The following AGMO variants were observed in gnomAD, a reference collection of about 807,000 sequenced individuals.
The protein encoded by AGMO is glyceryl-ether monooxygenase.
AGMO carries 75 observed loss-of-function variants against 60.2 expected under a neutral mutation model. The observed-to-expected ratio is 1.25, with a 90% confidence interval of 1.03 to 1.51. AGMO has a LOEUF of 1.51. Among genes scored for constraint, AGMO ranks in the 40% most tolerant of loss-of-function variants. The pLI is 0.00. For missense variants in AGMO, 763 were observed against 525.5 expected (o/e 1.45, Z -4.42); for synonymous variants, 261 against 177.1 (o/e 1.47, Z -3.76).
intron 12 of AGMO, among the ~76,000 whole-genome samples, chr7:15,323,755 A>C (rs1394018015): frequency 6.6e-6 from 1 of 152,214 alleles, no homozygotes; most frequent in Non-Finnish European, 1.5e-5. Context: ...GCAGCTGTTA[A>C]CAAGGAAAGC....
chr7:15,324,261 C>A (rs1015209154), intron 12 of AGMO, among the ~76,000 whole-genome samples: 6 of 152,112 alleles, frequency 3.9e-5, no homozygotes, highest in Admixed American at 2.0e-4. Flanking sequence ...AGACAGAAAA[C>A]TGCATCAGTA....
chr7:15,440,254 A>C (rs1290384127), intron 3 of AGMO, among the ~76,000 whole-genome samples: 1 of 152,184 alleles, frequency 6.6e-6, no homozygotes, highest in Admixed American at 6.5e-5. Flanking sequence ...ACAAACATGC[A>C]TTTTGTTGAG....
chr7:15,229,666 A>G (rs1236304241), intron 12 of AGMO, among the ~76,000 whole-genome samples: 2 of 148,106 alleles, frequency 1.4e-5, no homozygotes, highest in Non-Finnish European at 3.0e-5. Flanking sequence ...GAATTATGGG[A>G]AAATGCGAAG....
chr7:15,560,365 G>T, intron 1 of AGMO, 94 bp from the exon 2 acceptor site: 1 of 1,372,468 alleles, frequency 7.3e-7, no homozygotes, highest in Non-Finnish European at 9.8e-7. Flanking sequence ...GAAAGGCCCA[G>T]ATTTGGGAAG....
chr7:15,370,852 T>G (rs1783180935), intron 10 of AGMO, among the ~76,000 whole-genome samples: 1 of 152,214 alleles, frequency 6.6e-6, no homozygotes. Flanking sequence ...CTGTTTACTC[T>G]GTTGATAGTT....
intron 12 of AGMO, among the ~76,000 whole-genome samples, chr7:15,232,078 C>T (rs756888471): frequency 6.6e-6 from 1 of 152,122 alleles, no homozygotes; most frequent in Non-Finnish European, 1.5e-5. Context: ...AAATCATAAG[C>T]GATTTTTTAT....
In AGMO at chr7:15,418,965, T is replaced by A. The variant is rs142189837; in HGVS notation, c.514-312A>T. On this transcript the variant is annotated intron_variant, in intron 4 of 12. Transcript: ENST00000342526. Reference sequence around the variant, plus strand: ...TTTCTGGAATTAAAGGGATGTTTTATGTACACACAAATACTCTCTTTATGT... The same window carrying A: ...TTTCTGGAATTAAAGGGATGTTTTAAGTACACACAAATACTCTCTTTATGT... Among the ~76,000 whole-genome samples, 14 of 152,060 alleles carry A rather than the reference T, an allele frequency of 9.2e-5. 1 individual carries two copies. The highest frequency in any genetic ancestry group is 9.2e-4 in the Admixed American group (14 of 15,238).
chr7:15,293,635 A>G (rs1273738143), intron 12 of AGMO, among the ~76,000 whole-genome samples: 2 of 152,230 alleles, frequency 1.3e-5, no homozygotes, highest in Non-Finnish European at 2.9e-5. Flanking sequence ...ACCAATGATT[A>G]AATTCGATAT....
intron 3 of AGMO, among the ~76,000 whole-genome samples, chr7:15,513,053 A>C (rs550298778): frequency 6.6e-6 from 1 of 152,160 alleles, no homozygotes; most frequent in Non-Finnish European, 1.5e-5. Context: ...ATTTCCTTAA[A>C]GGTATTACAC....
intron 12 of AGMO, among the ~76,000 whole-genome samples, chr7:15,317,348 T>C (rs372956852): frequency 7.2e-5 from 11 of 152,188 alleles, no homozygotes; most frequent in East Asian, 3.9e-4. Context: ...AACCTGACCA[T>C]TGACAGATGT....
At chr7:15,239,727 A>G (rs950577623) in intron 12 of AGMO, among the ~76,000 whole-genome samples, 1 of 152,138 alleles carries the variant, frequency 6.6e-6, no homozygotes, top group Non-Finnish European at 1.5e-5. Flanking sequence ...TTTGCTATCA[A>G]TCAACTCTAT....
chr7:15,403,628 C>G (rs1784613405), intron 5 of AGMO, among the ~76,000 whole-genome samples: 1 of 151,896 alleles, frequency 6.6e-6, no homozygotes, highest in Non-Finnish European at 1.5e-5. Flanking sequence ...AATCCATGAA[C>G]ACTATAAGTC....
Position 15,561,776 on chromosome 7 carries a change from TCATCGTGTAAAA to T in AGMO, c.58_69del (p.Phe20_Met23del), listed in dbSNP as rs1785315457. 1.2e-6 allele frequency: 2 copies of T among 1,612,306 alleles called. No individual in the cohort carries two copies. Among genetic ancestry groups the T allele is most frequent in the Non-Finnish European group, 1.7e-6 (2 of 1,178,898 alleles). ...GTTTGGAATGAAGTTTCACTGGGTT[TCATCGTGTAAAA>T]CAACATGCGAAATCCCTGGGAAACT... On this transcript the variant is annotated inframe_deletion, in exon 1 of 13. Transcript: ENST00000342526.
chr7:15,203,825 T>G (rs944510133), intron 12 of AGMO, among the ~76,000 whole-genome samples: 2 of 152,148 alleles, frequency 1.3e-5, no homozygotes, highest in African/African-American at 4.8e-5. Context: ...AAAATCTAAC[T>G]GCAAAACCTA....
At chr7:15,370,307 T>C (rs1315871599) in intron 10 of AGMO, among the ~76,000 whole-genome samples, 1 of 152,214 alleles carries the variant, frequency 6.6e-6, no homozygotes, top group Non-Finnish European at 1.5e-5. Flanking sequence ...CCTCCGTTGG[T>C]GGGCACCTAG....
chr7:15,159,358 G>A, the AGMO span, among the ~76,000 whole-genome samples: 1 of 152,076 alleles, frequency 6.6e-6, no homozygotes, highest in Non-Finnish European at 1.5e-5. Flanking sequence ...CTACAGAAGT[G>A]GTAAAAGACA....
chr7:15,441,951 A>G lies in AGMO; in HGVS notation c.410-10843T>C, dbSNP rs185178911. On this transcript the variant is annotated intron_variant, in intron 3 of 12. Transcript: ENST00000342526. ...AAAATCTTACCAGGATCTCTTTGCT[A>G]CTAATCAGGACTTCCTATTGGTCTT... Among the ~76,000 whole-genome samples, 31 of 152,288 alleles carry G rather than the reference A, an allele frequency of 2.0e-4. No homozygotes were observed. The East Asian group carries it at 5.4e-3, about 27-fold the overall frequency.
At chr7:15,252,667 AGAG>A (rs566514177) in intron 12 of AGMO, among the ~76,000 whole-genome samples, 179 of 152,278 alleles carry the variant, frequency 1.2e-3, no homozygotes, top group African/African-American at 4.0e-3. Context: ...GTAGGCTTAC[AGAG>A]GACAAGGCAA....
intron 12 of AGMO, among the ~76,000 whole-genome samples, chr7:15,301,012 G>A (rs1351766412): frequency 1.3e-5 from 2 of 151,932 alleles, no homozygotes; most frequent in Non-Finnish European, 2.9e-5. Context: ...CTTTCTACTG[G>A]AGAACATAAG....
Sources: gnomAD v4.1 joint callset for allele counts (sites outside exome capture counted in the v4.1 genomes callset) on GRCh38, gnomAD v4.1.1 for gene constraint, MANE v1.5 for transcripts, NCBI Gene and HGNC (gene_info 2026-07-23, HGNC 2026-07-21) for gene names.